Variants in ARHGEF3 observed in about 807,000 individuals in gnomAD.
The protein encoded by ARHGEF3 is Rho guanine nucleotide exchange factor 3.
ARHGEF3 carries 28 observed loss-of-function variants against 63.2 expected under a neutral mutation model. The ratio of observed to expected loss-of-function variants is 0.44; its 90% CI spans 0.33 to 0.61. The LOEUF (loss-of-function observed/expected upper bound fraction) is 0.61. Among genes scored for constraint, ARHGEF3 ranks in the 20% least tolerant of loss-of-function variants. The pLI is 0.03. For missense variants in ARHGEF3, 533 were observed against 659.3 expected (o/e 0.81, Z 2.10); for synonymous variants, 266 against 254.2 (o/e 1.05, Z -0.44).
chr3:57,005,905 CG>C (rs1560126159), intron 2 of ARHGEF3, among the ~76,000 whole-genome samples: 1 of 152,166 alleles, frequency 6.6e-6, no homozygotes, highest in African/African-American at 2.4e-5. Context: ...TTTACGTATG[CG>C]ATCTCCTCTG....
At chr3:56,889,015 T>C (rs558362272) in intron 3 of ARHGEF3, among the ~76,000 whole-genome samples, 13 of 152,238 alleles carry the variant, frequency 8.5e-5, no homozygotes, top group African/African-American at 2.2e-4. Flanking sequence ...CATGGAGATA[T>C]GGGTATTCCT....
At chr3:56,730,026 C>G (rs1019438894) in intron 9 of ARHGEF3, among the ~76,000 whole-genome samples, 2 of 152,086 alleles carry the variant, frequency 1.3e-5, no homozygotes, top group Non-Finnish European at 2.9e-5. Flanking sequence ...TTGAGATCAG[C>G]CTGAGCAATA....
chr3:56,931,580 A>C (rs1433589104), intron 3 of ARHGEF3, among the ~76,000 whole-genome samples: 2 of 89,944 alleles, frequency 2.2e-5, no homozygotes, highest in African/African-American at 5.9e-5. Context: ...TGTCTCAAAA[A>C]AAAAAAAAAA....
intron 2 of ARHGEF3, among the ~76,000 whole-genome samples, chr3:56,994,064 C>CAAAAAAAAAAAAAAAAGAAAAAAA (rs1701875619): frequency 1.7e-5 from 1 of 59,722 alleles, no homozygotes; most frequent in Non-Finnish European, 3.3e-5. Context: ...AACTTCGTCT[C>CAAAAAAAAAAAAAAAAGAAAAAAA]AAAAAAAAAA....
At chr3:56,847,683 T>G (rs1029917055) in intron 4 of ARHGEF3, among the ~76,000 whole-genome samples, 1 of 152,140 alleles carries the variant, frequency 6.6e-6, no homozygotes, top group Non-Finnish European at 1.5e-5. Context: ...GTTCAAGAGA[T>G]TCTCCTGCCT....
At chr3:56,909,779 T>C (rs986428373) in intron 3 of ARHGEF3, among the ~76,000 whole-genome samples, 5 of 152,158 alleles carry the variant, frequency 3.3e-5, no homozygotes, top group Non-Finnish European at 7.3e-5. Context: ...CTTCACACAA[T>C]ACACACTCAG....
chr3:56,907,263 G>A (rs1426207412), intron 3 of ARHGEF3, among the ~76,000 whole-genome samples: 2 of 152,172 alleles, frequency 1.3e-5, no homozygotes, highest in African/African-American at 2.4e-5. Flanking sequence ...TTACAGGCAT[G>A]AGCCACGGCG....
chr3:56,736,677 G>A (rs1419293457), intron 8 of ARHGEF3, among the ~76,000 whole-genome samples: 1 of 152,106 alleles, frequency 6.6e-6, no homozygotes, highest in Admixed American at 6.5e-5. Flanking sequence ...CCCTATGTTG[G>A]TTTCCAAAAT....
chr3:57,074,149 A>G, intron 1 of ARHGEF3: 1 of 1,614,184 alleles, frequency 6.2e-7, no homozygotes, highest in Non-Finnish European at 8.5e-7. Context: ...GAGGATATAG[A>G]TGCCGAGCCC....
At chr3:56,729,671 C>T (rs1266866157) in intron 9 of ARHGEF3, 49 bp from the exon 10 acceptor site, 5 of 1,476,332 alleles carry the variant, frequency 3.4e-6, no homozygotes, top group East Asian at 2.3e-5. Context: ...CAGATCCTTC[C>T]TCAGGCCAAA....
chr3:56,889,085 T>C (rs888997590), intron 3 of ARHGEF3, among the ~76,000 whole-genome samples: 2 of 152,030 alleles, frequency 1.3e-5, no homozygotes, highest in African/African-American at 4.8e-5. Context: ...GAGATCCTGC[T>C]AGCTTGACCT....
chr3:56,900,748 G>T (rs1376662668), intron 3 of ARHGEF3, among the ~76,000 whole-genome samples: 1 of 152,154 alleles, frequency 6.6e-6, no homozygotes, highest in Admixed American at 6.5e-5. Context: ...CTTTTAATCG[G>T]AAGTTACCAG....
intron 4 of ARHGEF3, among the ~76,000 whole-genome samples, chr3:56,824,839 A>G (rs2038651647): frequency 1.3e-5 from 2 of 152,254 alleles, no homozygotes; most frequent in South Asian, 4.1e-4. Context: ...TTTATAGCCC[A>G]TCATTAAGAG....
intron 3 of ARHGEF3, among the ~76,000 whole-genome samples, chr3:56,953,809 G>A (rs185966651): frequency 8.5e-5 from 13 of 152,300 alleles, no homozygotes; most frequent in African/African-American, 2.6e-4. Context: ...TCCATCTGCA[G>A]TAGGAGAAGA....
chr3:56,740,312 T>C (rs2033933713), intron 7 of ARHGEF3, among the ~76,000 whole-genome samples: 1 of 151,986 alleles, frequency 6.6e-6, no homozygotes, highest in Admixed American at 6.6e-5. Flanking sequence ...GGCTCTTTAG[T>C]GTTATAGAAG....
At chr3:57,062,194 G>A (rs550927954) in intron 1 of ARHGEF3, among the ~76,000 whole-genome samples, 2 of 151,908 alleles carry the variant, frequency 1.3e-5, no homozygotes, top group Admixed American at 6.6e-5. Flanking sequence ...AGATCCAAAG[G>A]CAATGTGCCC....
chr3:56,780,726 T>C (rs1048020136), intron 1 of ARHGEF3, among the ~76,000 whole-genome samples: 1 of 152,264 alleles, frequency 6.6e-6, no homozygotes, highest in Non-Finnish European at 1.5e-5. Context: ...TCTCTCACTT[T>C]AGATTAATCT....
chr3:57,026,143 T>C (rs1484965437), intron 2 of ARHGEF3, among the ~76,000 whole-genome samples: 2 of 152,170 alleles, frequency 1.3e-5, no homozygotes, highest in Admixed American at 6.5e-5. Flanking sequence ...TTCACACCTA[T>C]AATTCCAGCT....
intron 2 of ARHGEF3, among the ~76,000 whole-genome samples, chr3:56,964,216 G>A (rs1276728263): frequency 1.3e-5 from 2 of 152,050 alleles, no homozygotes; most frequent in Non-Finnish European, 2.9e-5. Context: ...TACTGTACAT[G>A]GTGGTGCATG....
Sources: allele counts gnomAD v4.1 joint callset (sites outside exome capture counted in the v4.1 genomes callset), GRCh38; gene constraint gnomAD v4.1.1; transcripts MANE v1.5; gene names NCBI Gene and HGNC (gene_info 2026-07-23, HGNC 2026-07-21).